AKT3: variants seen among roughly 807,000 people sequenced by gnomAD.
The protein encoded by AKT3 is AKT serine/threonine kinase 3.
In AKT3, 15 loss-of-function variants were observed where a neutral mutation model predicts 65.3. The ratio of observed to expected loss-of-function variants is 0.23; its 90% CI spans 0.15 to 0.35. The LOEUF is 0.35. AKT3 is among the 10% of genes least tolerant of loss of function. The pLI, the probability that AKT3 is intolerant of heterozygous loss-of-function variation, is 1.00. For synonymous variants in AKT3, 206 were observed against 183.8 expected (o/e 1.12, Z -0.98); for missense variants, 243 against 576.5 (o/e 0.42, Z 5.92).
intron 2 of AKT3, among the ~76,000 whole-genome samples, chr1:243,809,970 G>A (rs1264709758): frequency 1.3e-5 from 2 of 151,770 alleles, no homozygotes; most frequent in African/African-American, 4.9e-5. Flanking sequence ...AAATAAAGAT[G>A]TTCTTTGAAA....
intron 4 of AKT3, among the ~76,000 whole-genome samples, chr1:243,649,556 C>T (rs1306373498): frequency 1.3e-5 from 2 of 152,014 alleles, no homozygotes; most frequent in African/African-American, 2.4e-5. Context: ...AATGCTATCC[C>T]TCCCCTAGCC....
chr1:243,683,238 G>A (rs559044263), intron 3 of AKT3, among the ~76,000 whole-genome samples: 1 of 152,252 alleles, frequency 6.6e-6, no homozygotes, highest in Non-Finnish European at 1.5e-5. Context: ...AAACATATGT[G>A]AAAGGGCTTG....
At chr1:243,758,843 AACAG>A (rs1260153719) in intron 2 of AKT3, among the ~76,000 whole-genome samples, 2 of 152,094 alleles carry the variant, frequency 1.3e-5, no homozygotes, top group East Asian at 3.8e-4. Flanking sequence ...CCCAGGTCCT[AACAG>A]GTCAGGGACC....
chr1:243,746,039 C>CA (rs1188899740), intron 2 of AKT3, among the ~76,000 whole-genome samples: 3 of 152,048 alleles, frequency 2.0e-5, no homozygotes, highest in South Asian at 4.1e-4. Flanking sequence ...TCAAAAACTT[C>CA]AAAAAAACAA....
At chr1:243,606,827 C>T (rs1364423401) in intron 8 of AKT3, among the ~76,000 whole-genome samples, 1 of 152,170 alleles carries the variant, frequency 6.6e-6, no homozygotes, top group Non-Finnish European at 1.5e-5. Flanking sequence ...AAAAGCAGGG[C>T]CCCCCAACCC....
At chr1:243,533,448 G>A (rs115189478) in intron 12 of AKT3, among the ~76,000 whole-genome samples, 1,785 of 152,254 alleles carry the variant, frequency 0.012, 22 homozygotes, top group African/African-American at 0.041. Flanking sequence ...CAAGAGCAAA[G>A]TACCTATGGC....
intron 8 of AKT3, among the ~76,000 whole-genome samples, chr1:243,609,796 A>G (rs535836340): frequency 4.8e-4 from 73 of 152,330 alleles, no homozygotes; most frequent in Admixed American, 1.5e-3. Flanking sequence ...TCATCTGGCT[A>G]ATCTGAAAAT....
chr1:243,512,496 G>A (rs1670079243), intron 12 of AKT3, 70 bp from the exon 13 acceptor site: 1 of 939,842 alleles, frequency 1.1e-6, no homozygotes, highest in Non-Finnish European at 1.6e-6. Flanking sequence ...TAGGAAAAAA[G>A]CAGAGAGCAC....
At chr1:243,571,820 A>C (rs1285010913) in intron 9 of AKT3, among the ~76,000 whole-genome samples, 1 of 152,240 alleles carries the variant, frequency 6.6e-6, no homozygotes, top group African/African-American at 2.4e-5. Context: ...AATTTGTATT[A>C]ATCTTTAGCC....
At chr1:243,570,071 A>T (rs1229141311) in intron 9 of AKT3, among the ~76,000 whole-genome samples, 1 of 152,232 alleles carries the variant, frequency 6.6e-6, no homozygotes, top group East Asian at 1.9e-4. Context: ...TCTAAAGTAC[A>T]ACAAAGGCTT....
In AKT3 at chr1:243,646,054, A is replaced by T; in HGVS notation, c.285-17T>A. On this transcript the variant is annotated splice_polypyrimidine_tract_variant and intron_variant, in intron 4 of 13. Coordinates refer to ENST00000673466, the MANE Select transcript of AKT3 (RefSeq NM_005465.7). ...CATTCTTCCCTATAAAAATGAGTAA[A>T]ATTTCCCATTAATAGAAGATGGTAA... is the stretch of plus-strand genomic sequence containing the variant. 6.4e-7 allele frequency: 1 copy of T among 1,572,008 alleles called. No homozygotes were observed. Among genetic ancestry groups the T allele is most frequent in the Non-Finnish European group, 8.6e-7 (1 of 1,163,912 alleles).
chr1:243,642,548 A>T (rs1680504784), intron 5 of AKT3, among the ~76,000 whole-genome samples: 1 of 152,190 alleles, frequency 6.6e-6, no homozygotes, highest in Non-Finnish European at 1.5e-5. Flanking sequence ...TGACCTTGTG[A>T]TCCGCCCACC....
At chr1:243,583,679 T>C (rs1291941700) in intron 8 of AKT3, among the ~76,000 whole-genome samples, 1 of 151,328 alleles carries the variant, frequency 6.6e-6, no homozygotes, top group African/African-American at 2.4e-5. Context: ...CTCAAAACCA[T>C]ACAGTTACAT....
intron 2 of AKT3, among the ~76,000 whole-genome samples, chr1:243,807,008 T>G (rs539943852): frequency 1.3e-5 from 2 of 152,292 alleles, no homozygotes; most frequent in African/African-American, 4.8e-5. Flanking sequence ...AAAAGGCTAT[T>G]GGGAACAATC....
chr1:243,572,809 T>G, intron 9 of AKT3, 117 bp downstream of exon 9: 2 of 1,130,594 alleles, frequency 1.8e-6, no homozygotes, highest in Non-Finnish European at 1.2e-6. Context: ...TTAAACATAG[T>G]GCTTTTTTCC....
intron 2 of AKT3, among the ~76,000 whole-genome samples, chr1:243,731,686 A>G (rs774850400): frequency 2.4e-4 from 36 of 152,258 alleles, no homozygotes; most frequent in Non-Finnish European, 3.5e-4. Context: ...GTAAACTAAT[A>G]GTTTGTGCCT....
chr1:243,513,124 C>T (rs1477140554), intron 12 of AKT3, among the ~76,000 whole-genome samples: 3 of 152,070 alleles, frequency 2.0e-5, no homozygotes, highest in African/African-American at 4.8e-5. Context: ...GCAGGCATGG[C>T]GTTAGGGAAG....
intron 2 of AKT3, among the ~76,000 whole-genome samples, chr1:243,784,825 A>G (rs1372488114): frequency 6.6e-6 from 1 of 152,178 alleles, no homozygotes; most frequent in Non-Finnish European, 1.5e-5. Flanking sequence ...CAGTGGCACA[A>G]TCATAGCTCA....
At chr1:243,773,772 C>T (rs929185405) in intron 2 of AKT3, among the ~76,000 whole-genome samples, 5 of 152,224 alleles carry the variant, frequency 3.3e-5, no homozygotes, top group Non-Finnish European at 2.9e-5. Flanking sequence ...TCCTTCCCAA[C>T]TGACAACAGG....
Sources: gnomAD v4.1 joint callset for allele counts (sites outside exome capture counted in the v4.1 genomes callset) on GRCh38, gnomAD v4.1.1 for gene constraint, MANE v1.5 for transcripts, NCBI Gene and HGNC (gene_info 2026-07-23, HGNC 2026-07-21) for gene names.